Variants in SYNM observed in about 807,000 individuals in gnomAD.
SYNM encodes desmuslin.
In SYNM, 95 loss-of-function variants were observed where a neutral mutation model predicts 104.0. The observed-to-expected ratio is 0.91, with a 90% CI of 0.77 to 1.08. The LOEUF is 1.08. Among genes scored for constraint, SYNM ranks in the 50% least tolerant of loss-of-function variants. The pLI, the probability that SYNM is intolerant of heterozygous loss-of-function variation, is 0.00. For missense variants in SYNM, 2,150 were observed against 2,052.2 expected, an observed-to-expected ratio of 1.05 and a Z score of -0.92; for synonymous variants, 918 against 869.0, an observed-to-expected ratio of 1.06 and a Z score of -0.99.
chr15:99,131,681 C>T lies in SYNM; in HGVS notation c.3321C>T (p.Ser1107=), dbSNP rs1555485956. The T allele has an allele frequency of 1.2e-6, 2 of 1,612,938 alleles. No individual in the cohort carries two copies. Among genetic ancestry groups the T allele is most frequent in the Admixed American group, 1.7e-5 (1 of 59,962 alleles). The part of the protein sequence containing the change: ...GPVSATVEVS[S]PTGFAQSQVL... Reference sequence around the variant, plus strand: ...TGTCGGCCACTGTGGAGGTCAGCAGCCCCACAGGCTTTGCCCAGTCACAGG... The same window carrying T: ...TGTCGGCCACTGTGGAGGTCAGCAGTCCCACAGGCTTTGCCCAGTCACAGG... Residue 1107 remains serine (S), a synonymous_variant, in exon 4 of 4, where the codon AGC becomes AGT. Coordinates refer to ENST00000336292, the MANE Select transcript of SYNM (RefSeq NM_145728.3). The surrounding 1 kb of genome is among the most constrained non-coding windows in gnomAD (Gnocchi z 4.3).
Position 99,111,354 on chromosome 15 carries a change from C to G in SYNM, c.811-2237C>G, listed in dbSNP as rs114979401. Among the ~76,000 whole-genome samples the G allele has an allele frequency of 1.3e-3, 192 of 152,340 alleles. 1 individual carries two copies. Among genetic ancestry groups the G allele is most frequent in the African/African-American group, 3.9e-3 (162 of 41,576 alleles). On this transcript the variant is annotated intron_variant, in intron 1 of 3. Transcript: ENST00000336292. ...TAGGAAGGACACACATACATACATA[C>G]ATGCATACCTACAGCCCATCTTGTA...
chr15:99,109,612 C>G lies in SYNM; in HGVS notation c.810+3603C>G, dbSNP rs578257150. On this transcript the variant is annotated intron_variant, in intron 1 of 3. Transcript: ENST00000336292. ...TTAACCTGTCTGCAATTCAGTTTCC[C>G]CATTTGTGAAACGAGGTACTGGAAG... 1.8e-4 allele frequency among the ~76,000 whole-genome samples: 27 copies of G among 152,254 alleles called. No homozygotes were observed. In the South Asian group the frequency reaches 5.4e-3, roughly 30 times the overall value.
At chr15:99,138,750 C>T (rs1467865629), downstream of SYNM, among the ~76,000 whole-genome samples, 1 of 152,244 alleles carries the variant, frequency 6.6e-6, no homozygotes, top group African/African-American at 2.4e-5. Context: ...GCCTTCCCTG[C>T]CCTCAAAGGG....
chr15:99,107,526 G>A (rs1254216146), intron 1 of SYNM, among the ~76,000 whole-genome samples: 1 of 152,194 alleles, frequency 6.6e-6, no homozygotes, highest in African/African-American at 2.4e-5. Flanking sequence ...TTTGAGCCAC[G>A]CTGTGTGGAC....
intron 1 of SYNM, 22 bp downstream of exon 1, chr15:99,106,031 G>C (rs1001695438): frequency 1.4e-6 from 2 of 1,430,606 alleles, no homozygotes; most frequent in Non-Finnish European, 1.8e-6. Flanking sequence ...GGGATGGCGC[G>C]CTGACCCCAT....
chr15:99,131,628 T>C lies in SYNM; in HGVS notation c.3268T>C (p.Ser1090Pro). The C allele has an allele frequency of 2.5e-6, 4 of 1,610,774 alleles. No individual in the cohort carries two copies. Among genetic ancestry groups the C allele is most frequent in the Non-Finnish European group, 3.4e-6 (4 of 1,179,578 alleles). Residue 1090 changes from serine (S) to proline (P), a missense_variant, in exon 4 of 4, where the codon TCG becomes CCG. Coordinates refer to ENST00000336292, the MANE Select transcript of SYNM (RefSeq NM_145728.3). This position sits in a 1 kb window ranked among gnomAD's most constrained non-coding sequence, Gnocchi z 4.3. ...GGTTGCTGGTGGGGCCTCTCACAGCTCGGGACAGCGCACTCCCCAGGGCCC... is the reference window on the plus strand; with the variant it reads ...GGTTGCTGGTGGGGCCTCTCACAGCCCGGGACAGCGCACTCCCCAGGGCCC... ...SEVAGGASHS[S>P]GQRTPQGPVS...
At chr15:99,109,129 A>G (rs954882533) in intron 1 of SYNM, among the ~76,000 whole-genome samples, 7 of 152,108 alleles carry the variant, frequency 4.6e-5, no homozygotes, top group Non-Finnish European at 1.0e-4. Flanking sequence ...CTAGGATTCT[A>G]CTTGAGGGGA....
At chr15:99,114,206 C>T (rs2067325704) in intron 2 of SYNM, among the ~76,000 whole-genome samples, 1 of 152,138 alleles carries the variant, frequency 6.6e-6, no homozygotes, top group Non-Finnish European at 1.5e-5. Context: ...GGGGAGGCCT[C>T]AGGAAACTTA....
chr15:99,137,681 C>T (rs1212706548), downstream of SYNM: 15 of 271,194 alleles, frequency 5.5e-5, no homozygotes, highest in Admixed American at 4.5e-4. Flanking sequence ...AAGCAGATGC[C>T]GGGCTGACTC....
rs782109168 is a variant in SYNM at position 99,131,796 on chromosome 15, A to C, written c.3436A>C (p.Thr1146Pro). 6.2e-7 allele frequency: 1 copy of C among 1,613,972 alleles called. No homozygotes were observed. Among genetic ancestry groups the C allele is most frequent in the Non-Finnish European group, 8.5e-7 (1 of 1,179,890 alleles). Reference protein sequence around the residue: ...RTERMSYEGPTAEVVEVSAGG... With the variant: ...RTERMSYEGPPAEVVEVSAGG... ...TGAGCGAATGTCATATGAAGGACCC[A>C]CTGCAGAAGTGGTGGAGGTAAGTGC... The change falls in exon 4 of 4, where the codon ACT becomes CCT. Residue 1146 changes from threonine to proline, a missense_variant. Thr to Pro is a conservative substitution (Grantham distance 38). Coordinates refer to ENST00000336292, the MANE Select transcript of SYNM (RefSeq NM_145728.3). The surrounding 1 kb of genome is among the most constrained non-coding windows in gnomAD (Gnocchi z 4.3).
chr15:99,112,162 G>C (rs1555483468), intron 1 of SYNM, among the ~76,000 whole-genome samples: 1 of 152,202 alleles, frequency 6.6e-6, no homozygotes, highest in African/African-American at 2.4e-5. Flanking sequence ...GGGTGCCTTT[G>C]GTGAAGGGAT....
chr15:99,111,183 C>G (rs932802281), intron 1 of SYNM, among the ~76,000 whole-genome samples: 1 of 152,152 alleles, frequency 6.6e-6, no homozygotes, highest in Non-Finnish European at 1.5e-5. Flanking sequence ...CGTGACTAGG[C>G]TTTCTTGACC....
In SYNM at chr15:99,105,113, G is replaced by A; in HGVS notation, c.-87G>A. 3 of 1,434,216 alleles carry A rather than the reference G, an allele frequency of 2.1e-6. No homozygotes were observed. The highest frequency in any genetic ancestry group is 2.8e-6 in the Non-Finnish European group (3 of 1,072,256). The allele number at this position is 1,434,216 out of a possible 1,614,324, so 88.8% of individuals were successfully genotyped here. A position where few individuals can be genotyped will look rare whatever the true frequency, so the allele number is the denominator to read the frequency against. On this transcript the variant is annotated 5_prime_UTR_variant, in exon 1 of 4. Coordinates refer to ENST00000336292, the MANE Select transcript of SYNM (RefSeq NM_145728.3). ...GGCCTCCGGGGCAGCGGCGAGGCCG[G>A]AGCGTCGCGGCGGAGAGGACGAGAC...
In SYNM at chr15:99,105,454, G is replaced by A. The variant is rs1327380620; in HGVS notation, c.255G>A (p.Arg85=). ...CCACTGCGCTGGCGGAGGGCGAGCG[G>A]GACGCTCTGCGGCGCGAGCTGCGGG... ...SWATALAEGE[R]DALRRELREL... is the part of the protein sequence containing the mutation. The change falls in exon 1 of 4, where the codon CGG becomes CGA. Residue 85 remains arginine, a synonymous_variant. Coordinates refer to ENST00000336292, the MANE Select transcript of SYNM (RefSeq NM_145728.3). 3 of 1,421,778 alleles carry A rather than the reference G, an allele frequency of 2.1e-6. No homozygotes were observed. The highest frequency in any genetic ancestry group is 3.0e-5 in the African/African-American group (2 of 66,680). 88.1% of individuals were successfully genotyped at this position (1,421,778 alleles called of 1,614,324 possible).
chr15:99,123,737 C>T lies in SYNM; in HGVS notation c.936-2985C>T, dbSNP rs114892843. Among the ~76,000 whole-genome samples the T allele has an allele frequency of 1.6e-4, 25 of 152,382 alleles. No homozygotes were observed. The East Asian group carries it at 1.7e-3, about 11-fold the overall frequency. On this transcript the variant is annotated intron_variant, in intron 2 of 3. Coordinates refer to ENST00000336292, the MANE Select transcript of SYNM (RefSeq NM_145728.3). ...GTGAATCACCCACAGGCCCCGGCCC[C>T]GGCCCCAGCAGGCTCCCGCACAGAC...
chr15:99,132,511 G>C lies in SYNM; in HGVS notation c.4151G>C (p.Ser1384Thr). ...SVVSESPQED[S>T]AEDTSGAEMT... Reference sequence around the variant, plus strand: ...GTTTCTGAATCTCCCCAGGAGGATAGTGCAGAGGACACATCAGGGGCAGAA... The same window carrying C: ...GTTTCTGAATCTCCCCAGGAGGATACTGCAGAGGACACATCAGGGGCAGAA... Residue 1384 changes from serine (S) to threonine (T), a missense_variant, in exon 4 of 4, where the codon AGT becomes ACT. Ser to Thr is a moderately conservative substitution (Grantham distance 58). Coordinates refer to ENST00000336292, the MANE Select transcript of SYNM (RefSeq NM_145728.3). The C allele has an allele frequency of 6.2e-7, 1 of 1,614,056 alleles. No homozygotes were observed. The highest frequency in any genetic ancestry group is 8.5e-7 in the Non-Finnish European group (1 of 1,179,904).
rs782242576 is a variant in SYNM, at chr15:99,132,783, C to G, written c.4423C>G (p.Arg1475Gly). Reference sequence around the variant, plus strand: ...GAGTAACGTAGAGGCGATCCGCAGCCGGACACAGGAAGCGGGAGCTCTCGG... The same window carrying G: ...GAGTAACGTAGAGGCGATCCGCAGCGGGACACAGGAAGCGGGAGCTCTCGG... ...DVSNVEAIRS[R>G]TQEAGALGVS... is the part of the protein sequence containing the mutation. Residue 1475 changes from arginine to glycine, a missense_variant, in exon 4 of 4, where the codon CGG becomes GGG. Transcript: ENST00000336292. The G allele has an allele frequency of 1.9e-6, 3 of 1,613,842 alleles. No homozygotes were observed. Among genetic ancestry groups the G allele is most frequent in the South Asian group, 1.1e-5 (1 of 91,056 alleles).
At chr15:99,112,949 G>A (rs1326899544) in intron 1 of SYNM, among the ~76,000 whole-genome samples, 1 of 152,178 alleles carries the variant, frequency 6.6e-6, no homozygotes, top group African/African-American at 2.4e-5. Context: ...GACCTCAAGT[G>A]ATCCGCCCGC....
intron 2 of SYNM, among the ~76,000 whole-genome samples, chr15:99,120,323 G>C (rs903780853): frequency 1.3e-5 from 2 of 152,166 alleles, no homozygotes; most frequent in Non-Finnish European, 2.9e-5. Context: ...GAGGCACGCA[G>C]GGAGGGCTTC....
Sources: allele counts gnomAD v4.1 joint callset (sites outside exome capture counted in the v4.1 genomes callset), GRCh38; gene constraint gnomAD v4.1.1; non-coding constraint Gnocchi (gnomAD v3.1); transcripts MANE v1.5; gene names NCBI Gene and HGNC (gene_info 2026-07-23, HGNC 2026-07-21).